Variants in AAK1 observed in about 807,000 individuals in gnomAD.
The protein encoded by AAK1 is AP2 associated kinase 1.
AAK1 carries 37 observed loss-of-function variants against 116.0 expected under a neutral mutation model. The observed-to-expected ratio is 0.32, with a 90% CI of 0.25 to 0.42. AAK1 has a LOEUF of 0.42. AAK1 is among the 10% of genes least tolerant of loss of function. The pLI, the probability that AAK1 is intolerant of heterozygous loss-of-function variation, is 1.00. For synonymous variants in AAK1, 458 were observed against 439.9 expected (o/e 1.04, Z -0.51); for missense variants, 919 against 1,170.6 (o/e 0.79, Z 3.14).
Position 69,642,940 on chromosome 2 carries a change from T to A in AAK1, c.101A>T (p.Tyr34Phe). 6.2e-7 allele frequency: 1 copy of A among 1,613,940 alleles called. No homozygotes were observed. The highest frequency in any genetic ancestry group is 8.5e-7 in the Non-Finnish European group (1 of 1,179,886). Residue 34 changes from tyrosine to phenylalanine, a missense_variant, in exon 2 of 22, where the codon TAC (tyrosine) becomes TTC (phenylalanine). Around this residue, in one of 4 missense-constraint regions of AAK1, gnomAD observed 317 missense variants for 490.4 expected, o/e 0.65. Transcript: ENST00000409085. ...CCCGATGCCGAAGACTCTTCCGATG[T>A]AGCCACTGCCCAGGCCCGAGGTGCT... ...GGSTSGLGSG[Y>F]IGRVFGIGRQ...
chr2:69,637,082 C>T (rs555399828), intron 2 of AAK1, among the ~76,000 whole-genome samples: 26 of 152,308 alleles, frequency 1.7e-4, no homozygotes, highest in South Asian at 8.3e-4. Flanking sequence ...AGTAGATTAT[C>T]GCTATCTCAA....
At chr2:69,506,868 CTGTGTGTGTGTGTGTG>C (rs10531990) in intron 15 of AAK1, among the ~76,000 whole-genome samples, 1 of 149,246 alleles carries the variant, frequency 6.7e-6, no homozygotes, top group East Asian at 2.0e-4. Context: ...GTGCATGTGC[CTGTGTGTGTGTGTGTG>C]TGTGTGTGTG....
At chr2:69,628,842 C>T (rs957249385) in intron 2 of AAK1, among the ~76,000 whole-genome samples, 5 of 152,080 alleles carry the variant, frequency 3.3e-5, no homozygotes, top group African/African-American at 7.2e-5. Flanking sequence ...CAAACCACCA[C>T]GCAGAATTTG....
At chr2:69,557,092 A>T in intron 2 of AAK1, 114 bp from the exon 3 acceptor site, 1 of 729,806 alleles carries the variant, frequency 1.4e-6, no homozygotes, top group Non-Finnish European at 2.4e-6. Context: ...TGCCACTGCC[A>T]GCCAGCCTTT....
chr2:69,468,800 A>G lies in AAK1; in HGVS notation c.*7069T>C. 3 of 985,440 alleles carry G rather than the reference A, an allele frequency of 3.0e-6. No individual in the cohort carries two copies. The highest frequency in any genetic ancestry group is 3.6e-6 in the Non-Finnish European group (3 of 829,936). The allele number at this position is 985,440 out of a possible 1,614,324, so 61.0% of individuals were successfully genotyped here. A position where few individuals can be genotyped will look rare whatever the true frequency, so the allele number is the denominator to read the frequency against. On this transcript the variant is annotated 3_prime_UTR_variant, in exon 22 of 22. Transcript: ENST00000409085. ...GGGGTGTGTGTATGTGCCCATATTC[A>G]GGGTTGGAGAGGATGGAAGAACATG...
At chr2:69,526,917 G>C (rs1421365999) in intron 9 of AAK1, among the ~76,000 whole-genome samples, 1 of 152,170 alleles carries the variant, frequency 6.6e-6, no homozygotes, top group African/African-American at 2.4e-5. Context: ...CAGGCATGTG[G>C]CTCTCAGAGA....
At chr2:69,511,091 T>C (rs1676377760) in intron 13 of AAK1, among the ~76,000 whole-genome samples, 1 of 152,030 alleles carries the variant, frequency 6.6e-6, no homozygotes, top group South Asian at 2.1e-4. Context: ...AGAGATAAAA[T>C]AACTTTGGAT....
In AAK1 at chr2:69,560,374, T is replaced by C. The variant is rs190965082; in HGVS notation, c.164-3396A>G. Among the ~76,000 whole-genome samples the C allele has an allele frequency of 7.9e-5, 12 of 152,292 alleles. No individual in the cohort carries two copies. The East Asian group carries it at 1.9e-3, about 24-fold the overall frequency. ...GGCTGTCAACAGAGAAGACTGTCAA[T>C]AGAGATGTTTATTTCAGCCTGAGTT... On this transcript the variant is annotated intron_variant, in intron 2 of 21. Transcript: ENST00000409085.
In AAK1 at chr2:69,462,215, T is replaced by C. The variant is rs1362427783; in HGVS notation, c.*13654A>G. 6 of 84,270 alleles carry C rather than the reference T, an allele frequency of 7.1e-5. No homozygotes were observed. In the Admixed American group the frequency reaches 9.6e-4, roughly 13 times the overall value. 5.2% of individuals were successfully genotyped at this position (84,270 alleles called of 1,614,324 possible). On this transcript the variant is annotated 3_prime_UTR_variant, in exon 22 of 22. Transcript: ENST00000409085. The stretch of plus-strand genomic sequence containing the variant: ...GGGGAACATCACACTCTGGGGACTG[T>C]TGTGGGGTGGGGGGAGGGGGGCGGG...
In AAK1 at chr2:69,467,858, G is replaced by C. The variant is rs1043683543; in HGVS notation, c.*8011C>G. ...ACATTGTAAAGAGAATGTAGAGAGA[G>C]GTCTGAACATTTTATAAGATACTGT... On this transcript the variant is annotated 3_prime_UTR_variant, in exon 22 of 22. Coordinates refer to ENST00000409085, the MANE Select transcript of AAK1 (RefSeq NM_014911.5). The C allele has an allele frequency of 2.4e-5, 24 of 985,224 alleles. No homozygotes were observed. Among genetic ancestry groups the C allele is most frequent in the Admixed American group, 6.1e-5 (1 of 16,272 alleles). 61.0% of individuals were successfully genotyped at this position (985,224 alleles called of 1,614,324 possible).
At chr2:69,539,439 G>A (rs1670611376) in intron 5 of AAK1, among the ~76,000 whole-genome samples, 1 of 152,014 alleles carries the variant, frequency 6.6e-6, no homozygotes, top group Non-Finnish European at 1.5e-5. Context: ...GAGGCAAAAG[G>A]TCACATGGAT....
intron 2 of AAK1, among the ~76,000 whole-genome samples, chr2:69,632,466 A>C (rs960912635): frequency 6.6e-6 from 1 of 152,202 alleles, no homozygotes; most frequent in Non-Finnish European, 1.5e-5. Flanking sequence ...CCCAGACCAA[A>C]ATGTTAGTAG....
At position 69,500,664 on chromosome 2, in the gene AAK1, AATATATATATATATATATAT is replaced by A. The variant is rs34635707; in HGVS notation, c.2270-4604_2270-4585del. Among the ~76,000 whole-genome samples the A allele has an allele frequency of 3.6e-3, 218 of 60,846 alleles. 4 individuals carry two copies. Among genetic ancestry groups the A allele is most frequent in the East Asian group, 7.6e-3 (13 of 1,720 alleles). 39.9% of individuals were successfully genotyped at this position (60,846 alleles called of 152,430 possible). A position where few individuals can be genotyped will look rare whatever the true frequency, so the allele number is the denominator to read the frequency against. The stretch of plus-strand genomic sequence containing the variant: ...GTAGCTGTGCCTTTAAGTCCCTTAA[AATATATATATATATATATAT>A]ATATATATATATATACACACACACA... On this transcript the variant is annotated intron_variant, in intron 16 of 21. Transcript: ENST00000409085.
intron 2 of AAK1, among the ~76,000 whole-genome samples, chr2:69,564,270 C>CA (rs1671773821): frequency 6.6e-6 from 1 of 152,042 alleles, no homozygotes; most frequent in African/African-American, 2.4e-5. Context: ...TGGGTTCCTC[C>CA]AAGCCCTAGG....
At chr2:69,581,541 C>T (rs1398570733) in intron 2 of AAK1, among the ~76,000 whole-genome samples, 1 of 152,182 alleles carries the variant, frequency 6.6e-6, no homozygotes, top group African/African-American at 2.4e-5. Context: ...TGGACTGGCC[C>T]ACCTGCCGAG....
At chr2:69,478,722 G>T (rs1674962487) in intron 20 of AAK1, 1 of 409,424 alleles carries the variant, frequency 2.4e-6, no homozygotes, top group Non-Finnish European at 4.4e-6. Context: ...CCAAAGTGCT[G>T]GGATTGCAGG....
At chr2:69,578,341 A>G (rs1051619819) in intron 2 of AAK1, among the ~76,000 whole-genome samples, 2 of 152,176 alleles carry the variant, frequency 1.3e-5, no homozygotes, top group Admixed American at 6.5e-5. Flanking sequence ...TAGTGATTCA[A>G]TCCTAAGGAA....
At chr2:69,481,714 G>T (rs1482899020) in intron 18 of AAK1, 1 of 152,298 alleles carries the variant, frequency 6.6e-6, no homozygotes, top group East Asian at 1.9e-4. Context: ...AGAGGAAGCA[G>T]ACCAAGCCCC....
rs369111308 is a variant in AAK1 at position 69,528,984 on chromosome 2, A to AATATTCCT, written c.871+1016_871+1023dup. On this transcript the variant is annotated intron_variant, in intron 8 of 21. Transcript: ENST00000409085. Reference sequence around the variant, plus strand: ...TTAAATGTCATAATCCAGCCCTTTAAATATTCCTCCTTTTTTTGTTAATAA... The same window carrying AATATTCCT: ...TTAAATGTCATAATCCAGCCCTTTAAATATTCCTATATTCCTCCTTTTTTTGTTAATAA... 4.6e-3 allele frequency among the ~76,000 whole-genome samples: 698 copies of AATATTCCT among 152,320 alleles called. 3 individuals are homozygous for AATATTCCT. The highest frequency in any genetic ancestry group is 0.014 in the African/African-American group (579 of 41,572).
Sources: allele counts gnomAD v4.1 joint callset (sites outside exome capture counted in the v4.1 genomes callset), GRCh38; gene constraint gnomAD v4.1.1; regional missense constraint gnomAD v4.1.1; transcripts MANE v1.5; gene names NCBI Gene and HGNC (gene_info 2026-07-23, HGNC 2026-07-21).